The following MEPCE variants were observed in gnomAD, a reference collection of about 807,000 sequenced individuals.
The protein encoded by MEPCE is methylphosphate capping enzyme, also known as 7SK snRNA methylphosphate capping enzyme.
Under a neutral mutation model 52.3 loss-of-function variants are expected in MEPCE, and 9 were observed. That is an observed-to-expected ratio of 0.17 (90% CI 0.10 to 0.30). The LOEUF is 0.30. Ranked by LOEUF, MEPCE falls within the 10% of genes least tolerant of loss-of-function variation. The probability of loss-of-function intolerance (pLI) is 1.00; values close to 1 mark genes in which losing one functional copy is unlikely to be tolerated. For synonymous variants in MEPCE, 477 were observed against 401.6 expected, an observed-to-expected ratio of 1.19 and a Z score of -2.25; for missense variants, 826 against 933.0, an observed-to-expected ratio of 0.89 and a Z score of 1.49.
chr7:100,433,802 G>GGCAT lies in MEPCE; in HGVS notation c.*250_*253dup. On this transcript the variant is annotated 3_prime_UTR_variant, in exon 4 of 4. Transcript: ENST00000310512. Reference sequence around the variant, plus strand: ...TCTCCCCCAGCCTCCCAGGCTGGATGGCATGGACTGTTTGCTGACCTCTGT... The same window carrying GGCAT: ...TCTCCCCCAGCCTCCCAGGCTGGATGGCATGCATGGACTGTTTGCTGACCTCTGT... 1 of 567,496 alleles carries GGCAT rather than the reference G, an allele frequency of 1.8e-6. No homozygotes were observed. The highest frequency in any genetic ancestry group is 3.1e-6 in the Non-Finnish European group (1 of 319,956). 35.2% of individuals were successfully genotyped at this position (567,496 alleles called of 1,614,324 possible). A position where few individuals can be genotyped will look rare whatever the true frequency, so the allele number is the denominator to read the frequency against.
chr7:100,429,541 A>T, upstream of MEPCE: 1 of 152,614 alleles, frequency 6.6e-6, no homozygotes, highest in Non-Finnish European at 1.5e-5. Context: ...GCAGAGACAA[A>T]GGAGATCAGT....
Position 100,429,932 on chromosome 7 carries a change from G to A in MEPCE, c.-87G>A. 9.4e-7 allele frequency: 1 copy of A among 1,064,828 alleles called. No homozygotes were observed. The highest frequency in any genetic ancestry group is 1.2e-6 in the Non-Finnish European group (1 of 834,742). The allele number at this position is 1,064,828 out of a possible 1,614,324, so 66.0% of individuals were successfully genotyped here. ...CAGAGCTGCGCGCGCACTCGGGAAAGGGGGGAAGGGAGCAGGGTCCAGGCA... is the reference window on the plus strand; with the variant it reads ...CAGAGCTGCGCGCGCACTCGGGAAAAGGGGGAAGGGAGCAGGGTCCAGGCA... On this transcript the variant is annotated 5_prime_UTR_variant, in exon 1 of 4. Coordinates refer to ENST00000310512, the MANE Select transcript of MEPCE (RefSeq NM_019606.6).
In MEPCE at chr7:100,430,524, G is replaced by A; in HGVS notation, c.506G>A (p.Arg169Lys). 1 of 1,582,998 alleles carries A rather than the reference G, an allele frequency of 6.3e-7. No individual in the cohort carries two copies. Reference sequence around the variant, plus strand: ...GGCTTCAAACATCCGGCCTTCAAGAGGCGCAGGCGGGTGAATTCGGACTGT... The same window carrying A: ...GGCTTCAAACATCCGGCCTTCAAGAAGCGCAGGCGGGTGAATTCGGACTGT... The part of the protein sequence containing the change: ...GGGFKHPAFK[R>K]RRRVNSDCDS... The change falls in exon 1 of 4, where the codon AGG (arginine) becomes AAG (lysine). Residue 169 changes from arginine to lysine, a missense_variant. Around this residue, in one of 7 missense-constraint regions of MEPCE, gnomAD observed 314 missense variants for 277.7 expected, o/e 1.13. Coordinates refer to ENST00000310512, the MANE Select transcript of MEPCE (RefSeq NM_019606.6).
chr7:100,429,876 G>A lies in MEPCE; in HGVS notation c.-143G>A, dbSNP rs1798520266. 2 of 663,496 alleles carry A rather than the reference G, an allele frequency of 3.0e-6. No homozygotes were observed. Among genetic ancestry groups the A allele is most frequent in the Non-Finnish European group, 4.3e-6 (2 of 469,196 alleles). 41.1% of individuals were successfully genotyped at this position (663,496 alleles called of 1,614,324 possible). A position where few individuals can be genotyped will look rare whatever the true frequency, so the allele number is the denominator to read the frequency against. ...GCTAGTAGGGCGCACTTGGCGGGGA[G>A]GCGCTTGGGCGCGAGACTAGGCGTG... On this transcript the variant is annotated 5_prime_UTR_variant, in exon 1 of 4. Transcript: ENST00000310512.
At chr7:100,429,198 G>GC (rs1408166840), upstream of MEPCE, among the ~76,000 whole-genome samples, 3 of 152,104 alleles carry the variant, frequency 2.0e-5, no homozygotes, top group Non-Finnish European at 4.4e-5. Context: ...TAATTCATGA[G>GC]CCCCGCCCTT....
At position 100,430,633 on chromosome 7, in the gene MEPCE, G is replaced by A. The variant is rs911608019; in HGVS notation, c.615G>A (p.Val205=). 1.2e-6 allele frequency: 2 copies of A among 1,613,480 alleles called. No homozygotes were observed. The highest frequency in any genetic ancestry group is 1.7e-6 in the Non-Finnish European group (2 of 1,179,984). The change falls in exon 1 of 4, where the codon GTG becomes GTA. Residue 205 remains valine, a synonymous_variant. Transcript: ENST00000310512. ...LNLNSLLDEE[V]SRTLNAETPK... ...TGAATAGCCTCCTGGATGAGGAAGT[G>A]AGCCGCACTCTCAACGCGGAGACCC... is the stretch of plus-strand genomic sequence containing the variant.
At position 100,433,193 on chromosome 7, in the gene MEPCE, C is replaced by T. The variant is rs187702214; in HGVS notation, c.1890+56C>T. Reference sequence around the variant, plus strand: ...CTTTGGTTGAGGCAAGAAAAGGCCCCGAGGTGGGCATCGCCCTTGGCCAGG... The same window carrying T: ...CTTTGGTTGAGGCAAGAAAAGGCCCTGAGGTGGGCATCGCCCTTGGCCAGG... On this transcript the variant is annotated intron_variant, in intron 2 of 3. Coordinates refer to ENST00000310512, the MANE Select transcript of MEPCE (RefSeq NM_019606.6). 303 of 1,613,062 alleles carry T rather than the reference C, an allele frequency of 1.9e-4. No individual in the cohort carries two copies. In the East Asian group the frequency reaches 5.3e-3, roughly 28 times the overall value.
rs1798563397 is a variant in MEPCE at position 100,430,085 on chromosome 7, G to A, written c.67G>A (p.Glu23Lys). ...VPAPPPPLKD[E>K]SGGGGGPTVP... ...GGCCCCGCCGCCGCCGCTCAAAGATGAGTCGGGCGGAGGGGGCGGCCCCAC... is the reference window on the plus strand; with the variant it reads ...GGCCCCGCCGCCGCCGCTCAAAGATAAGTCGGGCGGAGGGGGCGGCCCCAC... The change falls in exon 1 of 4, where the codon GAG becomes AAG. Residue 23 changes from glutamate to lysine, a missense_variant. Around this residue, in one of 7 missense-constraint regions of MEPCE, gnomAD observed 314 missense variants for 277.7 expected, o/e 1.13. Coordinates refer to ENST00000310512, the MANE Select transcript of MEPCE (RefSeq NM_019606.6). The A allele has an allele frequency of 1.6e-6, 2 of 1,266,732 alleles. No homozygotes were observed. Among genetic ancestry groups the A allele is most frequent in the Non-Finnish European group, 2.0e-6 (2 of 1,006,380 alleles). 78.5% of individuals were successfully genotyped at this position (1,266,732 alleles called of 1,614,324 possible).
chr7:100,430,455 G>A lies in MEPCE; in HGVS notation c.437G>A (p.Gly146Glu), dbSNP rs1019105876. 5 of 1,557,024 alleles carry A rather than the reference G, an allele frequency of 3.2e-6. No homozygotes were observed. In the Admixed American group the frequency reaches 7.2e-5, roughly 22 times the overall value. ...CCCCACCGGCCACCTGGGGGGGGCG[G>A]GGGCAAGAGGAGAAATAGCTGTAAT... ...YQPHRPPGGG[G>E]GKRRNSCNVG... is the part of the protein sequence containing the mutation. The change falls in exon 1 of 4, where the codon GGG (glycine) becomes GAG (glutamate). Residue 146 changes from glycine (G) to glutamate (E), a missense_variant. Gly to Glu is a moderately conservative substitution (Grantham distance 98, BLOSUM62 -2). Coordinates refer to ENST00000310512, the MANE Select transcript of MEPCE (RefSeq NM_019606.6).
chr7:100,429,957 AG>A lies in MEPCE; in HGVS notation c.-55del. On this transcript the variant is annotated 5_prime_UTR_variant, in exon 1 of 4. Transcript: ENST00000310512. ...GGGGGGAAGGGAGCAGGGTCCAGGC[AG>A]GGGGGGTTAGGCCCCCTGATCCCCC... The A allele has an allele frequency of 2.8e-5, 32 of 1,147,220 alleles. No individual in the cohort carries two copies. The highest frequency in any genetic ancestry group is 4.1e-5 in the South Asian group (1 of 24,322). 71.1% of individuals were successfully genotyped at this position (1,147,220 alleles called of 1,614,324 possible).
In MEPCE at chr7:100,433,430, GAA is replaced by G. The variant is rs770326274; in HGVS notation, c.2017+43_2017+44del. 21 of 1,613,970 alleles carry G rather than the reference GAA, an allele frequency of 1.3e-5. No homozygotes were observed. In the African/African-American group the frequency reaches 1.7e-4, roughly 13 times the overall value. On this transcript the variant is annotated intron_variant, in intron 3 of 3. Coordinates refer to ENST00000310512, the MANE Select transcript of MEPCE (RefSeq NM_019606.6). ...TTTGTCAGGGAGGCTGGTCCTGGCTGAAAGAGTGCAGACCCCCATGGGGATTC... is the reference window on the plus strand; with the variant it reads ...TTTGTCAGGGAGGCTGGTCCTGGCTGAGAGTGCAGACCCCCATGGGGATTC...
In MEPCE at chr7:100,433,600, A is replaced by G; in HGVS notation, c.*46A>G. 2 of 1,578,084 alleles carry G rather than the reference A, an allele frequency of 1.3e-6. No individual in the cohort carries two copies. Among genetic ancestry groups the G allele is most frequent in the African/African-American group, 1.3e-5 (1 of 74,114 alleles). ...TGTGAAGAGGCTGCCCTCGCTGCTC[A>G]TAAGGACCTGGGGGAAGAGGAAAGT... On this transcript the variant is annotated 3_prime_UTR_variant, in exon 4 of 4. Coordinates refer to ENST00000310512, the MANE Select transcript of MEPCE (RefSeq NM_019606.6).
At chr7:100,431,751 T>C in intron 1 of MEPCE, 62 bp downstream of exon 1, 2 of 1,425,120 alleles carry the variant, frequency 1.4e-6, no homozygotes, top group Non-Finnish European at 1.9e-6. Flanking sequence ...TAAATGGGAA[T>C]GTAGCAGGGA....
upstream of MEPCE, chr7:100,429,173 C>G (rs937611953): frequency 6.6e-6 from 1 of 152,234 alleles, no homozygotes; most frequent in Non-Finnish European, 1.5e-5. Flanking sequence ...AGGTTTGCTA[C>G]CAACAGCTCA....
In MEPCE at chr7:100,431,407, C is replaced by T; in HGVS notation, c.1389C>T (p.Cys463=). ...NVGHLTLSIA[C]KWGPSRMVGL... ...GCCATCTGACCCTGAGCATTGCCTG[C>T]AAGTGGGGCCCGTCCCGCATGGTGG... The change falls in exon 1 of 4, where the codon TGC becomes TGT. Residue 463 remains cysteine (C), a synonymous_variant. Coordinates refer to ENST00000310512, the MANE Select transcript of MEPCE (RefSeq NM_019606.6). 6.2e-7 allele frequency: 1 copy of T among 1,614,142 alleles called. No homozygotes were observed. Among genetic ancestry groups the T allele is most frequent in the Non-Finnish European group, 8.5e-7 (1 of 1,180,046 alleles).
intron 1 of MEPCE, 31 bp downstream of exon 1, chr7:100,431,720 G>T (rs1289703304): frequency 1.3e-6 from 2 of 1,523,742 alleles, no homozygotes; most frequent in African/African-American, 2.7e-5. Flanking sequence ...TTGGAATAGG[G>T]GCCAGGTGTG....
At chr7:100,429,324 A>T (rs1340706687), upstream of MEPCE, 1 of 152,262 alleles carries the variant, frequency 6.6e-6, no homozygotes, top group Non-Finnish European at 1.5e-5. Flanking sequence ...CAGTTTCAGC[A>T]CGTGCTGCCT....
rs567460375 is a variant in MEPCE at position 100,430,100 on chromosome 7, G to A, written c.82G>A (p.Gly28Ser). Residue 28 changes from glycine to serine, a missense_variant, in exon 1 of 4, where the codon GGC (glycine) becomes AGC (serine). Physicochemically the swap from Gly to Ser is moderately conservative, Grantham distance 56 (BLOSUM62 0). This residue lies in a region of MEPCE where 314 missense variants were observed against 277.7 expected (regional missense o/e 1.13). Coordinates refer to ENST00000310512, the MANE Select transcript of MEPCE (RefSeq NM_019606.6). Reference sequence around the variant, plus strand: ...GCTCAAAGATGAGTCGGGCGGAGGGGGCGGCCCCACGGTGCCACCGCACCA... The same window carrying A: ...GCTCAAAGATGAGTCGGGCGGAGGGAGCGGCCCCACGGTGCCACCGCACCA... The part of the protein sequence containing the change: ...PPLKDESGGG[G>S]GPTVPPHQEA... The A allele has an allele frequency of 1.1e-5, 14 of 1,262,712 alleles. No homozygotes were observed. The South Asian group carries it at 3.3e-4, about 29-fold the overall frequency. 78.2% of individuals were successfully genotyped at this position (1,262,712 alleles called of 1,614,324 possible).
chr7:100,431,674 T>C lies in MEPCE; in HGVS notation c.1656T>C (p.Asn552=). 3 of 1,593,682 alleles carry C rather than the reference T, an allele frequency of 1.9e-6. No homozygotes were observed. Residue 552 remains asparagine (N), a synonymous_variant, in exon 1 of 4, where the codon AAT becomes AAC. Coordinates refer to ENST00000310512, the MANE Select transcript of MEPCE (RefSeq NM_019606.6). ...DGADTSVFPN[N]VVFVTGNYVL... is the part of the protein sequence containing the mutation. ...CGGACACATCAGTCTTCCCCAACAA[T>C]GTTGTCTTCGTCACGGTAAGAGGGT...
Sources: gnomAD v4.1 joint callset for allele counts (sites outside exome capture counted in the v4.1 genomes callset) on GRCh38, gnomAD v4.1.1 for gene constraint, gnomAD v4.1.1 regional missense constraint, MANE v1.5 for transcripts, NCBI Gene and HGNC (gene_info 2026-07-23, HGNC 2026-07-21) for gene names.